The following FNDC3A variants were observed in gnomAD, a reference collection of about 807,000 sequenced individuals.
FNDC3A encodes fibronectin type-III domain-containing protein 3A.
In FNDC3A, 32 loss-of-function variants were observed where a neutral mutation model predicts 148.9. The ratio of observed to expected loss-of-function variants is 0.21; its 90% CI spans 0.16 to 0.29. The LOEUF is 0.29. Among genes scored for constraint, FNDC3A ranks in the 10% least tolerant of loss-of-function variants. The pLI is 1.00. For missense variants in FNDC3A, 1,191 were observed against 1,452.8 expected, an observed-to-expected ratio of 0.82 and a Z score of 2.93; for synonymous variants, 472 against 473.6, an observed-to-expected ratio of 1.00 and a Z score of 0.04.
Position 49,168,657 on chromosome 13 carries a change from C to T in FNDC3A, c.1082C>T (p.Ala361Val), listed in dbSNP as rs1566301934. 8 of 1,611,852 alleles carry T rather than the reference C, an allele frequency of 5.0e-6. No individual in the cohort carries two copies. Among genetic ancestry groups the T allele is most frequent in the South Asian group, 2.2e-5 (2 of 91,044 alleles). Residue 361 changes from alanine (A) to valine (V), a missense_variant, in exon 10 of 26, where the codon GCT becomes GTT. Coordinates refer to ENST00000492622, the MANE Select transcript of FNDC3A (RefSeq NM_001079673.2). The part of the protein sequence containing the change: ...YNSIKGTPSE[A>V]EIFTTLSCEP... ...TCTATAAAGGGAACTCCTTCAGAGG[C>T]TGAAATCTTTACCACCTTGAGCTGT...
chr13:49,203,958 C>T (rs1886532996), intron 25 of FNDC3A, among the ~76,000 whole-genome samples: 1 of 152,114 alleles, frequency 6.6e-6, no homozygotes, highest in African/African-American at 2.4e-5. Flanking sequence ...AATGAGAAGA[C>T]AGTGGAGGAT....
intron 3 of FNDC3A, among the ~76,000 whole-genome samples, chr13:49,088,691 T>C (rs184231315): frequency 6.6e-6 from 1 of 152,170 alleles, no homozygotes; most frequent in Non-Finnish European, 1.5e-5. Flanking sequence ...CTGTTTTTTT[T>C]CCAACCGCAC....
chr13:49,172,173 T>A, intron 11 of FNDC3A, 77 bp downstream of exon 11: 1 of 897,346 alleles, frequency 1.1e-6, no homozygotes, highest in Non-Finnish European at 1.8e-6. Context: ...TTGTTTGTTT[T>A]AATCATCAAG....
intron 12 of FNDC3A, 87 bp downstream of exon 12, chr13:49,174,646 C>A: frequency 8.2e-7 from 1 of 1,215,150 alleles, no homozygotes; most frequent in Non-Finnish European, 1.1e-6. Flanking sequence ...CCAAATTATT[C>A]ATTAAAAATT....
chr13:49,009,848 A>C (rs1247559306), intron 2 of FNDC3A, among the ~76,000 whole-genome samples: 1 of 152,236 alleles, frequency 6.6e-6, no homozygotes, highest in Non-Finnish European at 1.5e-5. Flanking sequence ...GTTTCAGTTA[A>C]GACCTTTAAA....
intron 3 of FNDC3A, among the ~76,000 whole-genome samples, chr13:49,095,918 A>G (rs897299425): frequency 6.6e-6 from 1 of 152,074 alleles, no homozygotes; most frequent in African/African-American, 2.4e-5. Context: ...TCTAGGAAAC[A>G]GAAAAGATCT....
intron 2 of FNDC3A, among the ~76,000 whole-genome samples, chr13:49,014,951 G>T (rs1952459332): frequency 6.6e-6 from 1 of 150,750 alleles, no homozygotes; most frequent in African/African-American, 2.4e-5. Context: ...CTGTTCCATT[G>T]ATCTATATCT....
At chr13:49,143,939 G>A (rs962640031) in intron 7 of FNDC3A, among the ~76,000 whole-genome samples, 2 of 151,676 alleles carry the variant, frequency 1.3e-5, no homozygotes, top group African/African-American at 4.8e-5. Context: ...GAGGCCAGGA[G>A]CTCGAGACCA....
At chr13:49,086,899 CAG>C (rs1878850490) in intron 3 of FNDC3A, among the ~76,000 whole-genome samples, 2 of 152,050 alleles carry the variant, frequency 1.3e-5, no homozygotes, top group Admixed American at 1.3e-4. Flanking sequence ...TGAATTATAA[CAG>C]ATCATCCATT....
intron 3 of FNDC3A, among the ~76,000 whole-genome samples, chr13:49,110,938 T>G (rs553164539): frequency 4.6e-4 from 70 of 152,352 alleles, no homozygotes; most frequent in Non-Finnish European, 8.7e-4. Context: ...TAGAATTGTT[T>G]ACTCTTCTGC....
At chr13:49,125,347 G>A (rs984483178) in intron 4 of FNDC3A, among the ~76,000 whole-genome samples, 2 of 152,174 alleles carry the variant, frequency 1.3e-5, no homozygotes, top group African/African-American at 4.8e-5. Flanking sequence ...GGAGAGAAAG[G>A]AGATTGTGAT....
At chr13:49,198,664 G>T in intron 23 of FNDC3A, 90 bp downstream of exon 23, 1 of 1,022,228 alleles carries the variant, frequency 9.8e-7, no homozygotes, top group South Asian at 1.5e-5. Flanking sequence ...AGGTGTGGTG[G>T]CTGACACCTG....
At position 49,174,940 on chromosome 13, in the gene FNDC3A, T is replaced by C. The variant is rs192389040; in HGVS notation, c.1355+381T>C. Among the ~76,000 whole-genome samples the C allele has an allele frequency of 1.6e-4, 24 of 152,354 alleles. No homozygotes were observed. The East Asian group carries it at 4.6e-3, about 29-fold the overall frequency. Reference sequence around the variant, plus strand: ...TATCTTTCAAGAGTCATTGAAATTATTTTTGTTCTAGAGATAGCTCTGCTC... The same window carrying C: ...TATCTTTCAAGAGTCATTGAAATTACTTTTGTTCTAGAGATAGCTCTGCTC... On this transcript the variant is annotated intron_variant, in intron 12 of 25. Coordinates refer to ENST00000492622, the MANE Select transcript of FNDC3A (RefSeq NM_001079673.2).
At chr13:49,033,484 G>T (rs3012121) in intron 2 of FNDC3A, among the ~76,000 whole-genome samples, 47,704 of 151,890 alleles carry the variant, frequency 0.31, 7,587 homozygotes, top group South Asian at 0.48. Context: ...TTTGTAAAGG[G>T]TGACTTGGTA....
chr13:49,070,474 A>C (rs1877577010), intron 2 of FNDC3A, among the ~76,000 whole-genome samples: 1 of 152,244 alleles, frequency 6.6e-6, no homozygotes, highest in Admixed American at 6.5e-5. Flanking sequence ...GTATTTTTAA[A>C]GATACATGTG....
chr13:49,019,448 G>A (rs1345282833), intron 2 of FNDC3A, among the ~76,000 whole-genome samples: 3 of 152,176 alleles, frequency 2.0e-5, no homozygotes, highest in Non-Finnish European at 4.4e-5. Context: ...GCAATGCCTC[G>A]CCCTGCTTCG....
chr13:49,136,556 T>C lies in FNDC3A; in HGVS notation c.715T>C (p.Ser239Pro), dbSNP rs1428608206. The C allele has an allele frequency of 1.2e-6, 2 of 1,613,952 alleles. No homozygotes were observed. The highest frequency in any genetic ancestry group is 3.3e-5 in the Admixed American group (2 of 60,002). The stretch of plus-strand genomic sequence containing the variant: ...AAACACAGGATCAGCAAAAATCAAG[T>C]CTGGGAAGGGGAAAGGTGGTACACA... ...GINTGSAKIK[S>P]GKGKGGTQVD... Residue 239 changes from serine (S) to proline (P), a missense_variant, in exon 6 of 26, where the codon TCT becomes CCT. Physicochemically the swap from Ser to Pro is moderately conservative, Grantham distance 74. Around this residue, in one of 3 missense-constraint regions of FNDC3A, gnomAD observed 426 missense variants for 473.2 expected, o/e 0.90. Coordinates refer to ENST00000492622, the MANE Select transcript of FNDC3A (RefSeq NM_001079673.2).
At chr13:49,023,960 G>T (rs1490840657) in intron 2 of FNDC3A, among the ~76,000 whole-genome samples, 2 of 151,752 alleles carry the variant, frequency 1.3e-5, no homozygotes, top group Non-Finnish European at 3.0e-5. Context: ...TGAGTTTCTT[G>T]AAAAGATTAA....
At chr13:49,193,127 G>A (rs1184968624) in intron 19 of FNDC3A, among the ~76,000 whole-genome samples, 2 of 152,140 alleles carry the variant, frequency 1.3e-5, no homozygotes, top group African/African-American at 4.8e-5. Context: ...CTATCATTTA[G>A]TGGCCCTTTC....
Sources: allele counts gnomAD v4.1 joint callset (sites outside exome capture counted in the v4.1 genomes callset), GRCh38; gene constraint gnomAD v4.1.1; regional missense constraint gnomAD v4.1.1; transcripts MANE v1.5; gene names NCBI Gene and HGNC (gene_info 2026-07-23, HGNC 2026-07-21).